Variants in TOMM40 observed in about 807,000 individuals in gnomAD.
TOMM40 encodes the protein mitochondrial import receptor subunit TOM40 homolog.
In TOMM40, 9 loss-of-function variants were observed where a neutral mutation model predicts 38.4. The observed-to-expected ratio is 0.23, with a 90% confidence interval of 0.14 to 0.41. The LOEUF is 0.41. TOMM40 is among the 10% of genes least tolerant of loss of function. TOMM40 has a pLI of 1.00. For synonymous variants in TOMM40, 184 were observed against 210.0 expected (o/e 0.88, Z 1.07); for missense variants, 299 against 486.5 (o/e 0.61, Z 3.63).
rs763384870 is a variant in TOMM40, at chr19:44,893,901, T to C, written c.537+20T>C. 5.6e-6 allele frequency: 9 copies of C among 1,610,552 alleles called. No individual in the cohort carries two copies. The highest frequency in any genetic ancestry group is 1.1e-5 in the South Asian group (1 of 90,834). ...ATCCAGGTGAGTGGGGCACGGAGGC[T>C]GCTGCTCCCCTCGGCCACCGTGAGC... On this transcript the variant is annotated intron_variant, in intron 4 of 8. Coordinates refer to ENST00000426677, the MANE Select transcript of TOMM40 (RefSeq NM_001128917.2).
intron 5 of TOMM40, among the ~76,000 whole-genome samples, chr19:44,897,408 A>G (rs1487770067): frequency 6.6e-6 from 1 of 152,102 alleles, no homozygotes; most frequent in Non-Finnish European, 1.5e-5. Flanking sequence ...AACACTGACC[A>G]GAGTGGTAAT....
chr19:44,896,214 C>A (rs1166186150), intron 5 of TOMM40, among the ~76,000 whole-genome samples: 1 of 147,314 alleles, frequency 6.8e-6, no homozygotes, highest in African/African-American at 2.4e-5. Flanking sequence ...CCTCTTCCTT[C>A]CCCCAGACAC....
Position 44,891,641 on chromosome 19 carries a change from T to C in TOMM40, c.226T>C (p.Cys76Arg). 6.7e-7 allele frequency: 1 copy of C among 1,482,454 alleles called. No individual in the cohort carries two copies. Among genetic ancestry groups the C allele is most frequent in the Non-Finnish European group, 8.9e-7 (1 of 1,121,292 alleles). The allele number at this position is 1,482,454 out of a possible 1,614,324, so 91.8% of individuals were successfully genotyped here. A position where few individuals can be genotyped will look rare whatever the true frequency, so the allele number is the denominator to read the frequency against. ...GGCCGCCGAGGATGGGGCCTGCGGCTGCCTGCCCAACCCGGGCACATTCGA... is the reference window on the plus strand; with the variant it reads ...GGCCGCCGAGGATGGGGCCTGCGGCCGCCTGCCCAACCCGGGCACATTCGA... Reference protein sequence around the residue: ...SGAAEDGACGCLPNPGTFEEC... With the variant: ...SGAAEDGACGRLPNPGTFEEC... Residue 76 changes from cysteine (C) to arginine (R), a missense_variant, in exon 1 of 9, where the codon TGC becomes CGC. Coordinates refer to ENST00000426677, the MANE Select transcript of TOMM40 (RefSeq NM_001128917.2).
chr19:44,895,080 CTT>C (rs959157936), intron 5 of TOMM40, among the ~76,000 whole-genome samples: 189 of 152,260 alleles, frequency 1.2e-3, no homozygotes, highest in African/African-American at 4.5e-3. Flanking sequence ...AGCTTTGTGT[CTT>C]TGTGCAGCCA....
intron 8 of TOMM40, chr19:44,901,556 GA>G: frequency 1.1e-6 from 1 of 942,260 alleles, no homozygotes; most frequent in Non-Finnish European, 1.5e-6. Context: ...CTAACACGGT[GA>G]AACTCCGTCT....
intron 5 of TOMM40, among the ~76,000 whole-genome samples, chr19:44,895,858 C>T (rs1969555235): frequency 6.6e-6 from 1 of 152,128 alleles, no homozygotes; most frequent in African/African-American, 2.4e-5. Context: ...ACCATGCAAG[C>T]TTTTCTGACG....
At chr19:44,902,954 T>A in intron 8 of TOMM40, 76 bp from the exon 9 acceptor site, 1 of 1,544,768 alleles carries the variant, frequency 6.5e-7, no homozygotes, top group Admixed American at 1.9e-5. Context: ...ATGTGGCTGG[T>A]ATCCAAGGTG....
chr19:44,895,614 T>C (rs555633785), intron 5 of TOMM40, among the ~76,000 whole-genome samples: 1 of 152,276 alleles, frequency 6.6e-6, no homozygotes, highest in East Asian at 1.9e-4. Flanking sequence ...CTCGGCTCAC[T>C]GCAACCTCTG....
Position 44,891,271 on chromosome 19 carries a change from C to T in TOMM40, c.-145C>T. On this transcript the variant is annotated 5_prime_UTR_variant, in exon 1 of 9. The change creates a new upstream start codon in the 5' untranslated region. Coordinates refer to ENST00000426677, the MANE Select transcript of TOMM40 (RefSeq NM_001128917.2). ...AGCGGGTTCGGTTGCGCGTGGCGCA[C>T]GGGGTGGGAGCGGAGCCCAGGCCGG... is the stretch of plus-strand genomic sequence containing the variant. The T allele has an allele frequency of 2.5e-5, 28 of 1,134,998 alleles. No homozygotes were observed. The highest frequency in any genetic ancestry group is 3.1e-5 in the Non-Finnish European group (28 of 907,640). The allele number at this position is 1,134,998 out of a possible 1,614,324, so 70.3% of individuals were successfully genotyped here. A position where few individuals can be genotyped will look rare whatever the true frequency, so the allele number is the denominator to read the frequency against.
intron 5 of TOMM40, among the ~76,000 whole-genome samples, chr19:44,896,908 T>G (rs1036916593): frequency 6.6e-6 from 1 of 152,152 alleles, no homozygotes; most frequent in Non-Finnish European, 1.5e-5. Flanking sequence ...AATTAGAAAT[T>G]AGGCATATGG....
Position 44,901,241 on chromosome 19 carries a change from A to G in TOMM40, c.877A>G (p.Arg293Gly). Residue 293 changes from arginine (R) to glycine (G), a missense_variant, in exon 8 of 9, where the codon AGG becomes GGG. Coordinates refer to ENST00000426677, the MANE Select transcript of TOMM40 (RefSeq NM_001128917.2). ...GGGTGTGGAGTTTGAGGCCAGCACAAGGATGCAGGACACCAGCGTCTCCTT... is the reference window on the plus strand; with the variant it reads ...GGGTGTGGAGTTTGAGGCCAGCACAGGGATGCAGGACACCAGCGTCTCCTT... ...QVGVEFEAST[R>G]MQDTSVSFGY... The G allele has an allele frequency of 5.6e-6, 9 of 1,614,124 alleles. No individual in the cohort carries two copies. Among genetic ancestry groups the G allele is most frequent in the Admixed American group, 1.7e-5 (1 of 60,012 alleles).
Position 44,901,199 on chromosome 19 carries a change from C to T in TOMM40, c.844-9C>T. The stretch of plus-strand genomic sequence containing the variant: ...TGCTAATTCTCATGTGTTGCTCCGG[C>T]CCCTCCAGCTGCAGGTGGGTGTGGA... On this transcript the variant is annotated splice_polypyrimidine_tract_variant and intron_variant, in intron 7 of 8. Transcript: ENST00000426677. 6.2e-7 allele frequency: 1 copy of T among 1,614,000 alleles called. No homozygotes were observed. The highest frequency in any genetic ancestry group is 8.5e-7 in the Non-Finnish European group (1 of 1,179,904).
Position 44,892,306 on chromosome 19 carries a change from C to G in TOMM40, c.275-87C>G, listed in dbSNP as rs1325235761. On this transcript the variant is annotated intron_variant, in intron 1 of 8. Coordinates refer to ENST00000426677, the MANE Select transcript of TOMM40 (RefSeq NM_001128917.2). ...TTGTGAGATGTTCTGCTGTGGGTCT[C>G]TGGAGAGAGCTGGGGGTGGTAGGGA... 5.4e-5 allele frequency: 70 copies of G among 1,305,790 alleles called. 1 individual carries two copies. The highest frequency in any genetic ancestry group is 7.2e-5 in the Non-Finnish European group (65 of 900,850). 80.9% of individuals were successfully genotyped at this position (1,305,790 alleles called of 1,614,324 possible).
At chr19:44,897,776 C>CAAAAA (rs111611308) in intron 5 of TOMM40, among the ~76,000 whole-genome samples, 1 of 132,766 alleles carries the variant, frequency 7.5e-6, no homozygotes, top group African/African-American at 2.8e-5. Flanking sequence ...CGCCCCATCT[C>CAAAAA]AAAAAAAAAA....
chr19:44,894,932 G>T (rs1969537725), intron 5 of TOMM40, among the ~76,000 whole-genome samples: 1 of 152,214 alleles, frequency 6.6e-6, no homozygotes, highest in South Asian at 2.1e-4. Context: ...GGTACCACTG[G>T]GAGGGAGTGG....
At chr19:44,892,349 G>A in intron 1 of TOMM40, 44 bp from the exon 2 acceptor site, 1 of 1,575,644 alleles carries the variant, frequency 6.3e-7, no homozygotes, top group Non-Finnish European at 8.7e-7. Flanking sequence ...GATGAGAGTT[G>A]GTGTGGGGTT....
chr19:44,898,193 C>G (rs1969604123), intron 5 of TOMM40, among the ~76,000 whole-genome samples: 1 of 152,188 alleles, frequency 6.6e-6, no homozygotes, highest in Non-Finnish European at 1.5e-5. Flanking sequence ...TATGAAAGGC[C>G]CCTATTCCTG....
At chr19:44,896,834 C>T (rs1055514146) in intron 5 of TOMM40, among the ~76,000 whole-genome samples, 1 of 152,100 alleles carries the variant, frequency 6.6e-6, no homozygotes, top group Non-Finnish European at 1.5e-5. Context: ...GTGGGCGGAT[C>T]GCTTGAGATC....
Position 44,892,376 on chromosome 19 carries a change from G to A in TOMM40, c.275-17G>A. On this transcript the variant is annotated splice_polypyrimidine_tract_variant and intron_variant, in intron 1 of 8. Coordinates refer to ENST00000426677, the MANE Select transcript of TOMM40 (RefSeq NM_001128917.2). Reference sequence around the variant, plus strand: ...TGTGGGGTTGGAGTGGAGTGTGACAGCGTTTCTCTTCTCCAGAGCTGTTTC... The same window carrying A: ...TGTGGGGTTGGAGTGGAGTGTGACAACGTTTCTCTTCTCCAGAGCTGTTTC... 6.2e-7 allele frequency: 1 copy of A among 1,613,860 alleles called. No individual in the cohort carries two copies. Among genetic ancestry groups the A allele is most frequent in the South Asian group, 1.1e-5 (1 of 91,078 alleles).
Sources: gnomAD v4.1 joint callset for allele counts (sites outside exome capture counted in the v4.1 genomes callset) on GRCh38, gnomAD v4.1.1 for gene constraint, MANE v1.5 for transcripts, NCBI Gene and HGNC (gene_info 2026-07-23, HGNC 2026-07-21) for gene names.